The following FMNL2 variants were observed in gnomAD, a reference collection of about 807,000 sequenced individuals.
FMNL2 encodes formin like 2, also known as formin-like protein 2.
A neutral mutation model predicts 130.2 loss-of-function variants in FMNL2; 51 were observed. That is an observed-to-expected ratio of 0.39 (90% CI 0.31 to 0.49). The LOEUF (loss-of-function observed/expected upper bound fraction) is 0.49, where lower values mean the gene tolerates loss of function less well. Among genes scored for constraint, FMNL2 ranks in the 20% least tolerant of loss-of-function variants. FMNL2 has a pLI of 0.85. For missense variants in FMNL2, 977 were observed against 1,316.2 expected (o/e 0.74, Z 3.99); for synonymous variants, 465 against 467.1 (o/e 1.00, Z 0.06).
In FMNL2 at chr2:152,379,211, G is replaced by A. The variant is rs1358122742; in HGVS notation, c.117+43491G>A. Reference sequence around the variant, plus strand: ...TGTGTACTAGGCAGGTGCCATTTAAGTCAGAAGCCACTTTCCTGCTTTAGG... The same window carrying A: ...TGTGTACTAGGCAGGTGCCATTTAAATCAGAAGCCACTTTCCTGCTTTAGG... On this transcript the variant is annotated intron_variant, in intron 1 of 25. Transcript: ENST00000288670. Among the ~76,000 whole-genome samples the A allele has an allele frequency of 7.9e-5, 12 of 152,268 alleles. No individual in the cohort carries two copies. The East Asian group carries it at 1.7e-3, about 22-fold the overall frequency.
intron 1 of FMNL2, among the ~76,000 whole-genome samples, chr2:152,338,096 A>G (rs781226423): frequency 6.6e-6 from 1 of 151,604 alleles, no homozygotes; most frequent in Non-Finnish European, 1.5e-5. Context: ...TTAAGAAATC[A>G]GTTCAAACCA....
intron 1 of FMNL2, among the ~76,000 whole-genome samples, chr2:152,467,333 C>T (rs987570712): frequency 3.3e-5 from 5 of 152,198 alleles, no homozygotes; most frequent in African/African-American, 1.2e-4. Context: ...TGAAATGAAA[C>T]ACACAAATCT....
At chr2:152,643,382 T>C (rs1559036102) in intron 25 of FMNL2, 1 of 1,535,812 alleles carries the variant, frequency 6.5e-7, no homozygotes, top group Non-Finnish European at 8.7e-7. Flanking sequence ...TTTTATTCTC[T>C]TCTGTTTGTG....
At chr2:152,515,472 C>T (rs1692716732) in intron 1 of FMNL2, among the ~76,000 whole-genome samples, 1 of 152,142 alleles carries the variant, frequency 6.6e-6, no homozygotes, top group African/African-American at 2.4e-5. Context: ...ATTAAAATGC[C>T]AGTATCTTAT....
intron 15 of FMNL2, among the ~76,000 whole-genome samples, chr2:152,622,111 C>T (rs1207961713): frequency 6.6e-6 from 1 of 152,174 alleles, no homozygotes; most frequent in African/African-American, 2.4e-5. Flanking sequence ...GATAGAACAA[C>T]CTGGCTCCCT....
intron 15 of FMNL2, among the ~76,000 whole-genome samples, chr2:152,620,759 A>T (rs1375530149): frequency 6.6e-6 from 1 of 152,162 alleles, no homozygotes; most frequent in East Asian, 1.9e-4. Context: ...GGGCTCATTC[A>T]TCCCAATGAC....
In FMNL2 at chr2:152,509,310, ATTAT is replaced by A. The variant is rs1219103571; in HGVS notation, c.118-12629_118-12626del. On this transcript the variant is annotated intron_variant, in intron 1 of 25. Coordinates refer to ENST00000288670, the MANE Select transcript of FMNL2 (RefSeq NM_052905.4). Reference sequence around the variant, plus strand: ...TTCAGCCATATTTAATAAATAATCTATTATTTAATGTTATAGTTGTTGTGCATTG... The same window carrying A: ...TTCAGCCATATTTAATAAATAATCTATTAATGTTATAGTTGTTGTGCATTG... Among the ~76,000 whole-genome samples the A allele has an allele frequency of 4.6e-5, 7 of 152,086 alleles. No individual in the cohort carries two copies. In the East Asian group the frequency reaches 1.3e-3, roughly 29 times the overall value.
At chr2:152,390,023 A>C (rs1285772391) in intron 1 of FMNL2, 1 of 1,581,646 alleles carries the variant, frequency 6.3e-7, no homozygotes, top group East Asian at 2.2e-5. Flanking sequence ...AAAAGGATGC[A>C]GAGAATCATG....
chr2:152,531,553 C>A (rs1168911920), intron 2 of FMNL2, among the ~76,000 whole-genome samples: 1 of 151,660 alleles, frequency 6.6e-6, no homozygotes, highest in African/African-American at 2.4e-5. Flanking sequence ...CGGATCATTG[C>A]AACCTCCCCC....
At chr2:152,605,430 C>T (rs1454491832) in intron 9 of FMNL2, among the ~76,000 whole-genome samples, 1 of 152,108 alleles carries the variant, frequency 6.6e-6, no homozygotes, top group Non-Finnish European at 1.5e-5. Context: ...AGTATCCTCC[C>T]ACCTCAGTCT....
rs765339810 is a variant in FMNL2 at position 152,521,895 on chromosome 2, C to A, written c.118-48C>A. On this transcript the variant is annotated intron_variant, in intron 1 of 25. Transcript: ENST00000288670. ...TGCCTGCAAGTTACCAATTTGGAAG[C>A]CTGCTGTGGAATGTGACATCTTTTC... 19 of 1,462,454 alleles carry A rather than the reference C, an allele frequency of 1.3e-5. No individual in the cohort carries two copies. In the African/African-American group the frequency reaches 2.2e-4, roughly 17 times the overall value. 90.6% of individuals were successfully genotyped at this position (1,462,454 alleles called of 1,614,324 possible). A position where few individuals can be genotyped will look rare whatever the true frequency, so the allele number is the denominator to read the frequency against.
At chr2:152,447,789 T>C (rs1220871320) in intron 1 of FMNL2, among the ~76,000 whole-genome samples, 3 of 152,178 alleles carry the variant, frequency 2.0e-5, no homozygotes, top group African/African-American at 7.2e-5. Flanking sequence ...TTTCCTTTTC[T>C]TTGACTGTCG....
chr2:152,593,064 G>A (rs184408442), intron 9 of FMNL2, among the ~76,000 whole-genome samples: 1 of 152,290 alleles, frequency 6.6e-6, no homozygotes, highest in East Asian at 1.9e-4. Context: ...AATTCTGGGA[G>A]CAGAGAGATT....
At chr2:152,548,437 G>C (rs968084245) in intron 3 of FMNL2, among the ~76,000 whole-genome samples, 2 of 152,152 alleles carry the variant, frequency 1.3e-5, no homozygotes, top group African/African-American at 4.8e-5. Flanking sequence ...CCCTCTGGGA[G>C]TCTGAATTTG....
At chr2:152,369,571 G>A (rs1000747162) in intron 1 of FMNL2, among the ~76,000 whole-genome samples, 1 of 152,218 alleles carries the variant, frequency 6.6e-6, no homozygotes, top group African/African-American at 2.4e-5. Context: ...TGAATGAAGA[G>A]GGTAGAGGTT....
intron 1 of FMNL2, among the ~76,000 whole-genome samples, chr2:152,356,098 G>A (rs1486587255): frequency 6.6e-6 from 1 of 152,114 alleles, no homozygotes; most frequent in Admixed American, 6.6e-5. Flanking sequence ...GATTTGAGAA[G>A]TATTTATGTT....
chr2:152,614,850 G>A lies in FMNL2; in HGVS notation c.1063-1G>A. 6.2e-7 allele frequency: 1 copy of A among 1,601,326 alleles called. No individual in the cohort carries two copies. On this transcript the variant is annotated splice_acceptor_variant, in intron 11 of 25. Transcript: ENST00000288670. LOFTEE classifies it high-confidence loss of function. ...ACGTTCTCTCCTATTCTGGTTTTTA[G>A]AAGCTGAAACACACTGAGAGTGACA...
intron 4 of FMNL2, among the ~76,000 whole-genome samples, chr2:152,557,161 A>G (rs1202681334): frequency 6.6e-6 from 1 of 152,182 alleles, no homozygotes; most frequent in African/African-American, 2.4e-5. Flanking sequence ...AGCACCACAG[A>G]AAGTACTTAA....
In FMNL2 at chr2:152,628,663, C is replaced by A. The variant is rs373456449; in HGVS notation, c.2400+130C>A. On this transcript the variant is annotated intron_variant, in intron 18 of 25. Transcript: ENST00000288670. ...CTCCTTCCCAGAACTTTCTAAATTG[C>A]ATTTTTATTTCAACCATCTTTTCCA... 1.5e-4 allele frequency: 112 copies of A among 747,848 alleles called. No homozygotes were observed. In the Middle Eastern group the frequency reaches 1.8e-3, roughly 12 times the overall value. The allele number at this position is 747,848 out of a possible 1,614,324, so 46.3% of individuals were successfully genotyped here.
Sources: gnomAD v4.1 joint callset for allele counts (sites outside exome capture counted in the v4.1 genomes callset) on GRCh38, gnomAD v4.1.1 for gene constraint, MANE v1.5 for transcripts, NCBI Gene and HGNC (gene_info 2026-07-23, HGNC 2026-07-21) for gene names.